The following TOP6BL variants were observed in gnomAD, a reference collection of about 807,000 sequenced individuals.
TOP6BL encodes TOP6B like initiator of meiotic double strand breaks, also known as type 2 DNA topoisomerase 6 subunit B-like.
At chr11:66,762,294 G>T in the TOP6BL span, 1 of 440,764 alleles carries the variant, frequency 2.3e-6, no homozygotes, top group Non-Finnish European at 4.1e-6. Flanking sequence ...GCACAGCCGG[G>T]GCGCCGGCCA....
At chr11:66,775,774 G>C in the TOP6BL span, among the ~76,000 whole-genome samples, 7 of 152,110 alleles carry the variant, frequency 4.6e-5, no homozygotes, top group African/African-American at 1.4e-4. Context: ...AGGACCTGGG[G>C]CTTCCTATCC....
the TOP6BL span, among the ~76,000 whole-genome samples, chr11:66,753,016 C>T: frequency 6.6e-6 from 1 of 151,868 alleles, no homozygotes; most frequent in South Asian, 2.1e-4. Context: ...GTAGTCCTAG[C>T]TACTCCAGAG....
chr11:66,767,023 C>G, the TOP6BL span, among the ~76,000 whole-genome samples: 1 of 152,042 alleles, frequency 6.6e-6, no homozygotes, highest in Non-Finnish European at 1.5e-5. Flanking sequence ...GTTAATTCTG[C>G]CTTTATAATA....
the TOP6BL span, chr11:66,813,845 GTT>G: frequency 1.7e-5 from 27 of 1,611,388 alleles, no homozygotes; most frequent in East Asian, 5.6e-4. Context: ...AAATTTGGCA[GTT>G]TTCTTTAGCA....
the TOP6BL span, among the ~76,000 whole-genome samples, chr11:66,773,724 C>T: frequency 6.6e-6 from 1 of 152,006 alleles, no homozygotes; most frequent in Admixed American, 6.6e-5. Context: ...GTCATAATGA[C>T]ATTTTATGTA....
At chr11:66,839,239 GCT>G in the TOP6BL span, 14 of 455,466 alleles carry the variant, frequency 3.1e-5, no homozygotes, top group Non-Finnish European at 6.2e-5. Context: ...ATGTACTAAT[GCT>G]CTTAGTTCTC....
chr11:66,744,819 G>GGGCGGCGGCGGCGGCGGGGGC, the TOP6BL span: 2 of 1,230,232 alleles, frequency 1.6e-6, no homozygotes, highest in Non-Finnish European at 2.1e-6. Context: ...GCTGAGGAGG[G>GGGCGGCGGCGGCGGCGGGGGC]GGCGGCGGCG....
At chr11:66,747,219 A>T in the TOP6BL span, among the ~76,000 whole-genome samples, 8 of 152,214 alleles carry the variant, frequency 5.3e-5, no homozygotes, top group South Asian at 1.7e-3. Context: ...TACAGGTGTG[A>T]GCTACCACAC....
the TOP6BL span, among the ~76,000 whole-genome samples, chr11:66,790,581 AAAATC>A: frequency 6.6e-6 from 1 of 152,242 alleles, no homozygotes; most frequent in African/African-American, 2.4e-5. Flanking sequence ...TTCCCTCAGA[AAAATC>A]AAAGTATGAT....
the TOP6BL span, among the ~76,000 whole-genome samples, chr11:66,791,659 A>G: frequency 6.6e-6 from 1 of 152,150 alleles, no homozygotes; most frequent in Non-Finnish European, 1.5e-5. Context: ...ATTCAATAGT[A>G]GTTTCTGCTG....
chr11:66,802,269 C>T, the TOP6BL span, among the ~76,000 whole-genome samples: 3 of 152,088 alleles, frequency 2.0e-5, no homozygotes, highest in Non-Finnish European at 4.4e-5. Flanking sequence ...TCTCCTGCCT[C>T]AATCTCCTGA....
the TOP6BL span, chr11:66,822,667 C>T: frequency 6.5e-7 from 1 of 1,542,746 alleles, no homozygotes; most frequent in Non-Finnish European, 8.8e-7. Context: ...TGTCTCCAGA[C>T]CCTTCAAGTT....
chr11:66,788,415 C>T, the TOP6BL span: 38 of 608,912 alleles, frequency 6.2e-5, no homozygotes, highest in South Asian at 8.0e-4. Context: ...CCTGTGCAGA[C>T]ATTAGATCAC....
At chr11:66,798,799 G>A in the TOP6BL span, among the ~76,000 whole-genome samples, 2 of 152,172 alleles carry the variant, frequency 1.3e-5, no homozygotes, top group Admixed American at 1.3e-4. Context: ...TTTTGGCCGG[G>A]CGTGGTGGCT....
chr11:66,809,505 T>C, the TOP6BL span, among the ~76,000 whole-genome samples: 1 of 152,222 alleles, frequency 6.6e-6, no homozygotes, highest in Non-Finnish European at 1.5e-5. Context: ...TGACTATACG[T>C]TCTTAGCAGG....
chr11:66,777,228 C>G, the TOP6BL span, among the ~76,000 whole-genome samples: 2 of 151,718 alleles, frequency 1.3e-5, no homozygotes, highest in Non-Finnish European at 2.9e-5. Context: ...CAAGATGTAT[C>G]ATAAATTAGC....
At chr11:66,787,833 AAAAAATAC>A in the TOP6BL span, among the ~76,000 whole-genome samples, 3 of 152,164 alleles carry the variant, frequency 2.0e-5, no homozygotes, top group African/African-American at 7.2e-5. Flanking sequence ...TTGATTTATT[AAAAAATAC>A]AAGAATATCA....
At chr11:66,837,836 A>G in the TOP6BL span, among the ~76,000 whole-genome samples, 1 of 152,190 alleles carries the variant, frequency 6.6e-6, no homozygotes, top group Admixed American at 6.5e-5. Flanking sequence ...GGTCTCAGTA[A>G]GAACCTCTTT....
the TOP6BL span, among the ~76,000 whole-genome samples, chr11:66,799,316 G>A: frequency 6.6e-6 from 1 of 150,706 alleles, no homozygotes; most frequent in Non-Finnish European, 1.5e-5. Context: ...AACCTGGGAG[G>A]TGGAGGTTGC....
Sources: allele counts gnomAD v4.1 joint callset (sites outside exome capture counted in the v4.1 genomes callset), GRCh38; gene constraint gnomAD v4.1.1; transcripts MANE v1.5; gene names NCBI Gene and HGNC (gene_info 2026-07-23, HGNC 2026-07-21).